ARMC2: variants seen among roughly 807,000 people sequenced by gnomAD.
The protein encoded by ARMC2 is armadillo repeat-containing protein 2.
ARMC2 carries 67 observed loss-of-function variants against 90.3 expected under a neutral mutation model. That is an observed-to-expected ratio of 0.74 (90% CI 0.61 to 0.91). The LOEUF (loss-of-function observed/expected upper bound fraction) is 0.91. ARMC2 is among the 40% of genes least tolerant of loss of function. ARMC2 has a pLI of 0.00. For missense variants in ARMC2, 920 were observed against 1,030.9 expected (o/e 0.89, Z 1.47); for synonymous variants, 393 against 393.0 (o/e 1.00, Z 0.00).
At chr6:108,965,293 T>A (rs1208242919) in intron 17 of ARMC2, among the ~76,000 whole-genome samples, 153 bp downstream of exon 17, 1 of 151,746 alleles carries the variant, frequency 6.6e-6, no homozygotes, top group Non-Finnish European at 1.5e-5. Context: ...AATTTGGAAC[T>A]GAAAAGGCTG....
intron 10 of ARMC2, among the ~76,000 whole-genome samples, chr6:108,915,828 G>A (rs75358786): frequency 1.3e-5 from 2 of 152,114 alleles, no homozygotes; most frequent in East Asian, 1.9e-4. Flanking sequence ...ATGGGGGGAC[G>A]AGATGAGATC....
chr6:108,988,752 G>A, the ARMC2 span: 29 of 1,297,196 alleles, frequency 2.2e-5, no homozygotes, highest in Non-Finnish European at 2.9e-5. Flanking sequence ...TCTTACAAAA[G>A]TATACACATC....
chr6:108,869,018 A>G, intron 4 of ARMC2, 23 bp downstream of exon 4: 1 of 1,574,644 alleles, frequency 6.4e-7, no homozygotes, highest in African/African-American at 1.4e-5. Flanking sequence ...AACATCCTGT[A>G]ATCTCTGGGG....
chr6:108,897,437 A>T (rs895903612), intron 6 of ARMC2, among the ~76,000 whole-genome samples: 1 of 152,128 alleles, frequency 6.6e-6, no homozygotes, highest in African/African-American at 2.4e-5. Context: ...TAGATAGATT[A>T]TCTGAAACCT....
chr6:108,964,460 T>G (rs749109381), intron 16 of ARMC2, 148 bp downstream of exon 16: 5 of 928,384 alleles, frequency 5.4e-6, no homozygotes, highest in Non-Finnish European at 7.9e-6. Flanking sequence ...GGGGTTTAGA[T>G]TCCACTGGAT....
chr6:108,881,004 T>C (rs994834443), intron 5 of ARMC2, among the ~76,000 whole-genome samples: 2 of 151,920 alleles, frequency 1.3e-5, no homozygotes, highest in East Asian at 1.9e-4. Context: ...TACAGGCATG[T>C]GCCACCACGC....
intron 5 of ARMC2, among the ~76,000 whole-genome samples, chr6:108,888,786 G>A (rs983529934): frequency 2.0e-5 from 3 of 152,104 alleles, no homozygotes; most frequent in African/African-American, 7.2e-5. Context: ...GTCAACCCTT[G>A]ACTTACGGAA....
At chr6:108,870,564 GGA>G (rs1315809351) in intron 4 of ARMC2, among the ~76,000 whole-genome samples, 1 of 118,712 alleles carries the variant, frequency 8.4e-6, no homozygotes, top group African/African-American at 2.6e-5. Flanking sequence ...AGAGAGGGAA[GGA>G]GAGAGGGAAG....
the ARMC2 span, among the ~76,000 whole-genome samples, chr6:109,018,508 C>T: frequency 6.6e-6 from 1 of 152,192 alleles, no homozygotes; most frequent in Non-Finnish European, 1.5e-5. Context: ...AGGAGAGGCT[C>T]AGGCACATTT....
chr6:109,033,706 T>C, the ARMC2 span, among the ~76,000 whole-genome samples: 456 of 152,254 alleles, frequency 3.0e-3, 4 homozygotes, highest in African/African-American at 0.01. Context: ...GAGCAAAATT[T>C]GATAATATGA....
chr6:108,962,198 T>C, intron 15 of ARMC2, 71 bp downstream of exon 15: 2 of 1,212,798 alleles, frequency 1.6e-6, no homozygotes, highest in Non-Finnish European at 2.4e-6. Context: ...TTTTGCAGCT[T>C]GAGTCATTAC....
At chr6:108,910,725 T>C (rs1423672749) in intron 8 of ARMC2, among the ~76,000 whole-genome samples, 174 bp from the exon 9 acceptor site, 1 of 152,244 alleles carries the variant, frequency 6.6e-6, no homozygotes, top group Non-Finnish European at 1.5e-5. Context: ...TTGAGTTAAT[T>C]AGATACCACA....
At chr6:108,934,034 G>A (rs748452455) in intron 11 of ARMC2, among the ~76,000 whole-genome samples, 98 of 152,152 alleles carry the variant, frequency 6.4e-4, no homozygotes, top group Non-Finnish European at 1.2e-3. Context: ...GCTAATTTTT[G>A]TATTTTTAGT....
chr6:108,949,718 T>G (rs1031057573), intron 12 of ARMC2, among the ~76,000 whole-genome samples: 18 of 152,252 alleles, frequency 1.2e-4, no homozygotes, highest in African/African-American at 4.1e-4. Context: ...CAGGCATTAC[T>G]TGAAGTAACC....
intron 10 of ARMC2, among the ~76,000 whole-genome samples, chr6:108,914,029 C>T (rs932288306): frequency 6.6e-6 from 1 of 152,146 alleles, no homozygotes; most frequent in Non-Finnish European, 1.5e-5. Flanking sequence ...TTGAGATATT[C>T]ACTCTGTTTT....
chr6:108,987,551 A>C, the ARMC2 span: 1 of 1,578,184 alleles, frequency 6.3e-7, no homozygotes, highest in Non-Finnish European at 8.7e-7. Context: ...GCATCAGGTC[A>C]TATAGCGGGT....
chr6:108,883,476 G>A (rs1259091796), intron 5 of ARMC2, among the ~76,000 whole-genome samples: 1 of 152,178 alleles, frequency 6.6e-6, no homozygotes, highest in Admixed American at 6.6e-5. Context: ...CCTTGACAAT[G>A]TGGTAGTAAT....
In ARMC2 at chr6:108,876,338, T is replaced by A. The variant is rs1776935619; in HGVS notation, c.659T>A (p.Leu220His). Reference sequence around the variant, plus strand: ...GGAACAACATCTTTACCATCTCATCTCAAGAATGGAGGGTCAGTATTCTTT... The same window carrying A: ...GGAACAACATCTTTACCATCTCATCACAAGAATGGAGGGTCAGTATTCTTT... ...FKGTTSLPSH[L>H]KNGGDQGKRH... The change falls in exon 5 of 18, where the codon CTC (leucine) becomes CAC (histidine). Residue 220 changes from leucine to histidine, a missense_variant. Physicochemically the swap from Leu to His is moderately conservative, Grantham distance 99. Coordinates refer to ENST00000392644, the MANE Select transcript of ARMC2 (RefSeq NM_032131.6). 6.2e-7 allele frequency: 1 copy of A among 1,611,198 alleles called. No homozygotes were observed.
At chr6:109,015,469 AC>A in the ARMC2 span, among the ~76,000 whole-genome samples, 2 of 152,220 alleles carry the variant, frequency 1.3e-5, no homozygotes, top group Admixed American at 1.3e-4. Flanking sequence ...ACACTTTGTA[AC>A]CAAGTTTGGC....
Sources: allele counts gnomAD v4.1 joint callset (sites outside exome capture counted in the v4.1 genomes callset), GRCh38; gene constraint gnomAD v4.1.1; transcripts MANE v1.5; gene names NCBI Gene and HGNC (gene_info 2026-07-23, HGNC 2026-07-21).